Variants in ALDH7A1 observed in about 807,000 individuals in gnomAD.
The protein encoded by ALDH7A1 is alpha-aminoadipic semialdehyde dehydrogenase.
Under a neutral mutation model 79.9 loss-of-function variants are expected in ALDH7A1, and 63 were observed. The ratio of observed to expected loss-of-function variants is 0.79; its 90% CI spans 0.64 to 0.97. The LOEUF (loss-of-function observed/expected upper bound fraction) is 0.97. ALDH7A1 is among the 50% of genes least tolerant of loss of function. The pLI, the probability that ALDH7A1 is intolerant of heterozygous loss-of-function variation, is 0.00. For synonymous variants in ALDH7A1, 240 were observed against 231.2 expected (o/e 1.04, Z -0.34); for missense variants, 627 against 665.2 (o/e 0.94, Z 0.63).
At chr5:126,564,514 C>T in intron 9 of ALDH7A1, 1 of 1,245,504 alleles carries the variant, frequency 8.0e-7, no homozygotes, top group Non-Finnish European at 1.0e-6. Flanking sequence ...AAATCAGCTT[C>T]CATGTGAATA....
intron 3 of ALDH7A1, among the ~76,000 whole-genome samples, chr5:126,585,168 G>T (rs919526321): frequency 6.6e-6 from 1 of 152,012 alleles, no homozygotes; most frequent in Non-Finnish European, 1.5e-5. Flanking sequence ...CATGGTGGCA[G>T]GTGCCTGTAA....
At position 126,552,106 on chromosome 5, in the gene ALDH7A1, G is replaced by A. The variant is rs780233639; in HGVS notation, c.1232C>T (p.Pro411Leu). The A allele has an allele frequency of 1.9e-5, 30 of 1,613,786 alleles. No individual in the cohort carries two copies. Among genetic ancestry groups the A allele is most frequent in the South Asian group, 5.5e-5 (5 of 91,046 alleles). The change falls in exon 14 of 18, where the codon CCG becomes CTG. Residue 411 changes from proline (P) to leucine (L), a missense_variant. Pro to Leu is a moderately conservative substitution (Grantham distance 98, BLOSUM62 -3). Coordinates refer to ENST00000409134, the MANE Select transcript of ALDH7A1 (RefSeq NM_001182.5). ...GTGGCCAAGACCTGTCACAATTGTC[G>A]GTTCTACATAATTTCCAGGGCGATC... Reference protein sequence around the residue: ...VMDRPGNYVEPTIVTGLGHDA... With the variant: ...VMDRPGNYVELTIVTGLGHDA...
rs1749608731 is a variant in ALDH7A1, at chr5:126,541,938, C to T, written c.*3027G>A. 1 of 137,628 alleles carries T rather than the reference C, an allele frequency of 7.3e-6. No individual in the cohort carries two copies. The highest frequency in any genetic ancestry group is 2.5e-4 in the South Asian group (1 of 4,000). 8.5% of individuals were successfully genotyped at this position (137,628 alleles called of 1,614,324 possible). ...CCAAATGGATTAAAGACAAAAATGT[C>T]AATAAAACATTTGTGGACCTTTCCA... On this transcript the variant is annotated 3_prime_UTR_variant, in exon 18 of 18. Transcript: ENST00000409134.
chr5:126,566,944 T>C (rs1286392351), intron 9 of ALDH7A1, among the ~76,000 whole-genome samples: 1 of 152,202 alleles, frequency 6.6e-6, no homozygotes, highest in Non-Finnish European at 1.5e-5. Context: ...CTTCAAAGAC[T>C]TTCCTCCCCA....
intron 14 of ALDH7A1, among the ~76,000 whole-genome samples, chr5:126,550,545 T>C (rs1160729094): frequency 6.6e-6 from 1 of 152,050 alleles, no homozygotes; most frequent in Admixed American, 6.6e-5. Context: ...CTACTACATA[T>C]AATAGCTAAT....
At chr5:126,566,056 C>A (rs780342387) in intron 9 of ALDH7A1, among the ~76,000 whole-genome samples, 1 of 152,088 alleles carries the variant, frequency 6.6e-6, no homozygotes, top group Non-Finnish European at 1.5e-5. Flanking sequence ...TTGTTTTGGC[C>A]TTTTAGGGTC....
At chr5:126,563,795 A>AT (rs71573960) in intron 9 of ALDH7A1, among the ~76,000 whole-genome samples, 2 of 150,006 alleles carry the variant, frequency 1.3e-5, no homozygotes, top group African/African-American at 2.4e-5. Flanking sequence ...CCGGCCCACC[A>AT]TTTTTTTTTC....
chr5:126,593,322 C>T (rs767270075), intron 2 of ALDH7A1, 29 bp downstream of exon 2: 1 of 1,601,320 alleles, frequency 6.2e-7, no homozygotes, highest in Non-Finnish European at 8.5e-7. Flanking sequence ...CACACACACA[C>T]ACACACACAC....
chr5:126,567,328 C>T (rs1243540005), intron 9 of ALDH7A1, among the ~76,000 whole-genome samples: 5 of 152,286 alleles, frequency 3.3e-5, no homozygotes, highest in Non-Finnish European at 7.4e-5. Context: ...GCGACTGTAC[C>T]CTTTCTACAG....
At chr5:126,591,385 G>A (rs1301458031) in intron 3 of ALDH7A1, among the ~76,000 whole-genome samples, 4 of 151,128 alleles carry the variant, frequency 2.6e-5, no homozygotes, top group African/African-American at 7.3e-5. Context: ...TATCTTGGCT[G>A]ATAAAAAAAA....
At chr5:126,590,216 G>A (rs564760313) in intron 3 of ALDH7A1, among the ~76,000 whole-genome samples, 185 of 150,646 alleles carry the variant, frequency 1.2e-3, no homozygotes, top group African/African-American at 4.3e-3. Flanking sequence ...TGGGAAGTGA[G>A]GAGCGCCTCT....
At chr5:126,558,746 G>A (rs961944896) in intron 11 of ALDH7A1, among the ~76,000 whole-genome samples, 2 of 151,830 alleles carry the variant, frequency 1.3e-5, no homozygotes, top group African/African-American at 2.4e-5. Context: ...GGCTGGTCTC[G>A]AACTACTGGG....
chr5:126,592,204 A>G (rs1751576128), intron 3 of ALDH7A1: 1 of 178,744 alleles, frequency 5.6e-6, no homozygotes, highest in African/African-American at 2.4e-5. Flanking sequence ...TGGTGGGATC[A>G]CAAGCATGAG....
intron 11 of ALDH7A1, 84 bp downstream of exon 11, chr5:126,559,156 T>C: frequency 8.8e-7 from 1 of 1,140,062 alleles, no homozygotes; most frequent in South Asian, 1.3e-5. Context: ...TCTAGCAGTA[T>C]TGCTGACACC....
chr5:126,575,106 T>A (rs1158963156), intron 7 of ALDH7A1, among the ~76,000 whole-genome samples: 1 of 152,232 alleles, frequency 6.6e-6, no homozygotes, highest in Non-Finnish European at 1.5e-5. Context: ...ACTTGTTGAA[T>A]AGTGAGAAAA....
intron 16 of ALDH7A1, among the ~76,000 whole-genome samples, chr5:126,548,046 C>T (rs1343054127): frequency 7.4e-5 from 11 of 148,412 alleles, no homozygotes; most frequent in African/African-American, 2.5e-4. Flanking sequence ...AGCAAGATTC[C>T]GTCTCAAAAA....
In ALDH7A1 at chr5:126,542,426, G is replaced by C. The variant is rs574774962; in HGVS notation, c.*2539C>G. 1.3e-5 allele frequency: 2 copies of C among 152,360 alleles called. No individual in the cohort carries two copies. The highest frequency in any genetic ancestry group is 2.1e-4 in the South Asian group (1 of 4,826). 9.4% of individuals were successfully genotyped at this position (152,360 alleles called of 1,614,324 possible). ...CTCCTGTAATCCCAACAACTCAAGA[G>C]GCTGAGGCAGGAGGATCGCTTGAGG... On this transcript the variant is annotated 3_prime_UTR_variant, in exon 18 of 18. Transcript: ENST00000409134.
chr5:126,576,538 AT>A (rs1420029370), intron 6 of ALDH7A1, among the ~76,000 whole-genome samples: 1 of 152,134 alleles, frequency 6.6e-6, no homozygotes, highest in Non-Finnish European at 1.5e-5. Context: ...AAAATATAAC[AT>A]TTTTACTATC....
intron 3 of ALDH7A1, among the ~76,000 whole-genome samples, chr5:126,585,641 A>G (rs1408728169): frequency 6.6e-6 from 1 of 152,118 alleles, no homozygotes; most frequent in African/African-American, 2.4e-5. Flanking sequence ...GGCTCAGTGC[A>G]ACCTCTGCCT....
Sources: allele counts gnomAD v4.1 joint callset (sites outside exome capture counted in the v4.1 genomes callset), GRCh38; gene constraint gnomAD v4.1.1; transcripts MANE v1.5; gene names NCBI Gene and HGNC (gene_info 2026-07-23, HGNC 2026-07-21).